CLIP3: variants seen among roughly 807,000 people sequenced by gnomAD.
CLIP3 encodes the protein CAP-Gly domain containing linker protein 3.
CLIP3 carries 15 observed loss-of-function variants against 59.4 expected under a neutral mutation model. That is an observed-to-expected ratio of 0.25 (90% CI 0.17 to 0.39). The LOEUF is 0.39. Among genes scored for constraint, CLIP3 ranks in the 10% least tolerant of loss-of-function variants. The pLI is 1.00. For synonymous variants in CLIP3, 300 were observed against 321.6 expected, an observed-to-expected ratio of 0.93 and a Z score of 0.72; for missense variants, 495 against 765.7, an observed-to-expected ratio of 0.65 and a Z score of 4.17.
In CLIP3 at chr19:36,026,926, A is replaced by G; in HGVS notation, c.400+26T>C. Reference sequence around the variant, plus strand: ...TCTGGGGGCCTAGGCTTTGGGGCTTATGACTTGGGGGTAGGGGGCCCTCAC... The same window carrying G: ...TCTGGGGGCCTAGGCTTTGGGGCTTGTGACTTGGGGGTAGGGGGCCCTCAC... On this transcript the variant is annotated intron_variant, in intron 4 of 13. Coordinates refer to ENST00000360535, the MANE Select transcript of CLIP3 (RefSeq NM_015526.3). The surrounding 1 kb of genome is among the most constrained non-coding windows in gnomAD (Gnocchi z 6.3). 6.5e-7 allele frequency: 1 copy of G among 1,527,948 alleles called. No homozygotes were observed. Among genetic ancestry groups the G allele is most frequent in the South Asian group, 1.3e-5 (1 of 77,086 alleles). The allele number at this position is 1,527,948 out of a possible 1,614,324, so 94.6% of individuals were successfully genotyped here.
chr19:36,018,166 G>A (rs1968851873), intron 9 of CLIP3, among the ~76,000 whole-genome samples, 175 bp from the exon 10 acceptor site: 1 of 152,178 alleles, frequency 6.6e-6, no homozygotes, highest in African/African-American at 2.4e-5. Context: ...CTGAGTCAGA[G>A]AACCTGAAGA....
intron 7 of CLIP3, among the ~76,000 whole-genome samples, chr19:36,022,171 C>T (rs1349499027): frequency 2.0e-5 from 3 of 152,180 alleles, no homozygotes; most frequent in East Asian, 1.9e-4. Flanking sequence ...TGAGGCACCG[C>T]GCCCCGACAA....
In CLIP3 at chr19:36,016,677, G is replaced by A. The variant is rs1044922108; in HGVS notation, c.1589+230C>T. ...GCTGTTGTTCTGAGGCTCGTATGGA[G>A]TGAAGGGTGTTCTGCTTCCTTTACC... On this transcript the variant is annotated intron_variant, in intron 13 of 13. Coordinates refer to ENST00000360535, the MANE Select transcript of CLIP3 (RefSeq NM_015526.3). This position sits in a 1 kb window ranked among gnomAD's most constrained non-coding sequence, Gnocchi z 4.1. 5 of 569,066 alleles carry A rather than the reference G, an allele frequency of 8.8e-6. No individual in the cohort carries two copies. Among genetic ancestry groups the A allele is most frequent in the African/African-American group, 7.5e-5 (4 of 53,112 alleles). The allele number at this position is 569,066 out of a possible 1,614,324, so 35.3% of individuals were successfully genotyped here.
chr19:36,023,049 C>T (rs1197466932), intron 7 of CLIP3, among the ~76,000 whole-genome samples: 2 of 152,050 alleles, frequency 1.3e-5, no homozygotes, highest in African/African-American at 4.8e-5. Context: ...AGCAAGACTC[C>T]ATCTCAAAAT....
chr19:36,019,416 C>A (rs1262394086), intron 7 of CLIP3, 110 bp from the exon 8 acceptor site: 1 of 1,308,372 alleles, frequency 7.6e-7, no homozygotes, highest in Non-Finnish European at 1.1e-6. Flanking sequence ...TGGGCCCAAA[C>A]CCCAGGTCAC....
At chr19:36,017,553 G>T in intron 11 of CLIP3, 102 bp downstream of exon 11, 1 of 1,596,798 alleles carries the variant, frequency 6.3e-7, no homozygotes, top group South Asian at 1.1e-5. Context: ...GGGGGCTCGG[G>T]GGTGTCCACA....
rs1968798163 is a variant in CLIP3, at chr19:36,016,314, T to A, written c.1590-102A>T. ...CCCAGTGTTTGCTATCAGGCCTTTC[T>A]GGATTCTGCCTCTACCTCTCTGGCT... On this transcript the variant is annotated intron_variant, in intron 13 of 13. Transcript: ENST00000360535. This position sits in a 1 kb window ranked among gnomAD's most constrained non-coding sequence, Gnocchi z 4.1. 1 of 1,317,952 alleles carries A rather than the reference T, an allele frequency of 7.6e-7. No individual in the cohort carries two copies. Among genetic ancestry groups the A allele is most frequent in the Non-Finnish European group, 1.1e-6 (1 of 926,448 alleles). The allele number at this position is 1,317,952 out of a possible 1,614,324, so 81.6% of individuals were successfully genotyped here.
In CLIP3 at chr19:36,032,823, CAGAG is replaced by C; in HGVS notation, c.-162_-159del. 1 of 152,790 alleles carries C rather than the reference CAGAG, an allele frequency of 6.5e-6. No homozygotes were observed. Among genetic ancestry groups the C allele is most frequent in the African/African-American group, 2.4e-5 (1 of 41,566 alleles). The allele number at this position is 152,790 out of a possible 1,614,324, so 9.5% of individuals were successfully genotyped here. ...GACGTGATGGGGGAGGCAAGGGAGA[CAGAG>C]AGAAGGGGACGAGGCCCAGACGCCG... On this transcript the variant is annotated 5_prime_UTR_variant, in exon 1 of 14. Transcript: ENST00000360535. The surrounding 1 kb of genome is among the most constrained non-coding windows in gnomAD (Gnocchi z 4.3).
At position 36,024,356 on chromosome 19, in the gene CLIP3, ACCCCC is replaced by A. The variant is rs775561653; in HGVS notation, c.918+35_918+39del. The stretch of plus-strand genomic sequence containing the variant: ...CCAAGGGATTAAGGGGCTGAGTCCC[ACCCCC>A]ACCCACCATGCAAACACACATCCCA... On this transcript the variant is annotated intron_variant, in intron 7 of 13. Coordinates refer to ENST00000360535, the MANE Select transcript of CLIP3 (RefSeq NM_015526.3). 2.7e-6 allele frequency: 4 copies of A among 1,486,402 alleles called. No homozygotes were observed. The African/African-American group carries it at 5.5e-5, about 21-fold the overall frequency. The allele number at this position is 1,486,402 out of a possible 1,614,324, so 92.1% of individuals were successfully genotyped here.
chr19:36,019,549 G>A (rs1968896755), intron 7 of CLIP3, among the ~76,000 whole-genome samples: 1 of 151,724 alleles, frequency 6.6e-6, no homozygotes, highest in South Asian at 2.1e-4. Flanking sequence ...GTCTCATATA[G>A]TGAATAGTGA....
chr19:36,016,671 T>C lies in CLIP3; in HGVS notation c.1589+236A>G, dbSNP rs2145386023. ...TCTCTAGCTGTTGTTCTGAGGCTCG[T>C]ATGGAGTGAAGGGTGTTCTGCTTCC... On this transcript the variant is annotated intron_variant, in intron 13 of 13. Transcript: ENST00000360535. This position sits in a 1 kb window ranked among gnomAD's most constrained non-coding sequence, Gnocchi z 4.1. 1 of 557,432 alleles carries C rather than the reference T, an allele frequency of 1.8e-6. No individual in the cohort carries two copies. Among genetic ancestry groups the C allele is most frequent in the East Asian group, 3.1e-5 (1 of 32,232 alleles). 34.5% of individuals were successfully genotyped at this position (557,432 alleles called of 1,614,324 possible).
chr19:36,028,402 A>G (rs935296245), intron 2 of CLIP3, among the ~76,000 whole-genome samples: 3 of 152,226 alleles, frequency 2.0e-5, no homozygotes, highest in Non-Finnish European at 4.4e-5. Flanking sequence ...AGCAGGAATC[A>G]ACCTGTGCCC....
At chr19:36,019,598 A>ATTTATTTTTTTTTTTTTTTTTTTTT (rs1568540451) in intron 7 of CLIP3, among the ~76,000 whole-genome samples, 1 of 99,396 alleles carries the variant, frequency 1.0e-5, no homozygotes, top group African/African-American at 4.6e-5. Context: ...TTATTTATTT[A>ATTTATTTTTTTTTTTTTTTTTTTTT]TTTTATTTAT....
chr19:36,016,819 C>T lies in CLIP3; in HGVS notation c.1589+88G>A. ...CCTAACCTCTCTTTCCAGCCCTGAC[C>T]AGAGCTCCAGACCTCTGGGTCCAAC... On this transcript the variant is annotated intron_variant, in intron 13 of 13. Transcript: ENST00000360535. The surrounding 1 kb of genome is among the most constrained non-coding windows in gnomAD (Gnocchi z 4.1). 1 of 1,392,184 alleles carries T rather than the reference C, an allele frequency of 7.2e-7. No homozygotes were observed. Among genetic ancestry groups the T allele is most frequent in the East Asian group, 2.4e-5 (1 of 41,238 alleles). The allele number at this position is 1,392,184 out of a possible 1,614,324, so 86.2% of individuals were successfully genotyped here.
chr19:36,031,743 T>A (rs570206321), intron 2 of CLIP3, among the ~76,000 whole-genome samples: 79 of 152,352 alleles, frequency 5.2e-4, no homozygotes, highest in Non-Finnish European at 4.3e-4. Context: ...TTTCATAATG[T>A]CTTGTAATTA....
intron 12 of CLIP3, 31 bp downstream of exon 12, chr19:36,017,355 A>G (rs754482408): frequency 1.2e-6 from 2 of 1,606,874 alleles, no homozygotes; most frequent in East Asian, 2.2e-5. Flanking sequence ...CCAAACGTAC[A>G]CTCCTCCCAA....
chr19:36,018,869 C>T (rs770356111), intron 9 of CLIP3, 29 bp downstream of exon 9: 10 of 1,604,762 alleles, frequency 6.2e-6, no homozygotes, highest in Non-Finnish European at 8.5e-6. Context: ...CAAACTGGCT[C>T]TTCCCACCAC....
chr19:36,019,189 T>C lies in CLIP3; in HGVS notation c.1036A>G (p.Ile346Val). The change falls in exon 8 of 14, where the codon ATC becomes GTC. Residue 346 changes from isoleucine to valine, a missense_variant. Physicochemically the swap from Ile to Val is conservative, Grantham distance 29. This residue lies in a region of CLIP3 where 194 missense variants were observed against 327.8 expected (regional missense o/e 0.59). Coordinates refer to ENST00000360535, the MANE Select transcript of CLIP3 (RefSeq NM_015526.3). ...DGSVGGVRYF[I>V]CPPKQGLFAS... ...GACTAACCCTGCTTGGGAGGGCAGATGAAGTACCGAACGCCCCCAACGCTG... is the reference window on the plus strand; with the variant it reads ...GACTAACCCTGCTTGGGAGGGCAGACGAAGTACCGAACGCCCCCAACGCTG... 6.2e-7 allele frequency: 1 copy of C among 1,613,996 alleles called. No homozygotes were observed. The highest frequency in any genetic ancestry group is 1.1e-5 in the South Asian group (1 of 91,080).
chr19:36,022,407 G>A (rs1449098060), intron 7 of CLIP3, among the ~76,000 whole-genome samples: 1 of 152,168 alleles, frequency 6.6e-6, no homozygotes, highest in Non-Finnish European at 1.5e-5. Flanking sequence ...CAGGTGGGAA[G>A]TTGCAAAGCT....
Sources: gnomAD v4.1 joint callset for allele counts (sites outside exome capture counted in the v4.1 genomes callset) on GRCh38, gnomAD v4.1.1 for gene constraint, gnomAD v4.1.1 regional missense constraint, Gnocchi (gnomAD v3.1) non-coding constraint, MANE v1.5 for transcripts, NCBI Gene and HGNC (gene_info 2026-07-23, HGNC 2026-07-21) for gene names.